CABIN1: variants seen among roughly 807,000 people sequenced by gnomAD.
CABIN1 encodes the protein calcineurin-binding protein cabin-1.
Under a neutral mutation model 227.7 loss-of-function variants are expected in CABIN1, and 133 were observed. That is an observed-to-expected ratio of 0.58 (90% confidence interval 0.51 to 0.67). The LOEUF (loss-of-function observed/expected upper bound fraction) is 0.67. Among genes scored for constraint, CABIN1 ranks in the 30% least tolerant of loss-of-function variants. The pLI, the probability that CABIN1 is intolerant of heterozygous loss-of-function variation, is 0.00. For synonymous variants in CABIN1, 1,086 were observed against 1,155.1 expected (o/e 0.94, Z 1.21); for missense variants, 2,408 against 2,852.5 (o/e 0.84, Z 3.55).
chr22:24,115,487 C>T (rs1460330053), intron 27 of CABIN1, among the ~76,000 whole-genome samples: 7 of 152,218 alleles, frequency 4.6e-5, no homozygotes, highest in African/African-American at 9.6e-5. Flanking sequence ...CCATGTTGCT[C>T]CTCTCTAAGC....
At chr22:24,030,639 A>G (rs2036428286) in intron 1 of CABIN1, among the ~76,000 whole-genome samples, 1 of 152,120 alleles carries the variant, frequency 6.6e-6, no homozygotes, top group Non-Finnish European at 1.5e-5. Context: ...TACACTGTGG[A>G]CTGTTTTCAG....
chr22:24,059,109 C>T, intron 10 of CABIN1, 118 bp from the exon 11 acceptor site: 1 of 1,327,320 alleles, frequency 7.5e-7, no homozygotes, highest in Non-Finnish European at 1.1e-6. Flanking sequence ...GACCCCACCA[C>T]CCACTTATTT....
chr22:24,099,026 TC>T (rs1440644305), intron 26 of CABIN1, among the ~76,000 whole-genome samples: 5 of 152,094 alleles, frequency 3.3e-5, no homozygotes, highest in Non-Finnish European at 5.9e-5. Flanking sequence ...GTAGAATTGG[TC>T]CCAGGGCTCT....
In CABIN1 at chr22:24,067,037, T is replaced by G. The variant is rs2039732754; in HGVS notation, c.2088T>G (p.Ile696Met). Residue 696 changes from isoleucine (I) to methionine (M), a missense_variant, in exon 16 of 37, where the codon ATT (isoleucine) becomes ATG (methionine). This residue lies in a region of CABIN1 where 1,045 missense variants were observed against 1,168.4 expected (regional missense o/e 0.89). Coordinates refer to ENST00000263119, the MANE Select transcript of CABIN1 (RefSeq NM_012295.4). ...SLERCQSLEE[I>M]QRLYEAGDYK... ...AGCGGTGCCAGTCCCTGGAGGAGAT[T>G]CAGCGGCTGTATGAAGCAGGCGACT... 2 of 1,614,106 alleles carry G rather than the reference T, an allele frequency of 1.2e-6. No homozygotes were observed. Among genetic ancestry groups the G allele is most frequent in the Admixed American group, 1.7e-5 (1 of 60,002 alleles).
chr22:24,164,788 ATCCTGGT>A (rs2148669720), intron 30 of CABIN1, among the ~76,000 whole-genome samples: 1 of 151,968 alleles, frequency 6.6e-6, no homozygotes, highest in East Asian at 1.9e-4. Flanking sequence ...GTCCCCACTG[ATCCTGGT>A]TCCACGTTGA....
chr22:24,069,559 A>C (rs939858150), intron 16 of CABIN1, among the ~76,000 whole-genome samples: 1 of 152,118 alleles, frequency 6.6e-6, no homozygotes, highest in African/African-American at 2.4e-5. Context: ...TGCATTTAGT[A>C]GTCTTTATCA....
rs117763121 is a variant in CABIN1, at chr22:24,103,643, G to A, written c.4117+5451G>A. ...CTGTAAGTGGAGCTCAGTTTGTTCTGCTTGTTCCTGACGGGCAGGGGACAG... is the reference window on the plus strand; with the variant it reads ...CTGTAAGTGGAGCTCAGTTTGTTCTACTTGTTCCTGACGGGCAGGGGACAG... On this transcript the variant is annotated intron_variant, in intron 26 of 36. Coordinates refer to ENST00000263119, the MANE Select transcript of CABIN1 (RefSeq NM_012295.4). 1.8e-4 allele frequency among the ~76,000 whole-genome samples: 28 copies of A among 152,292 alleles called. No homozygotes were observed. In the East Asian group the frequency reaches 5.4e-3, roughly 29 times the overall value.
intron 3 of CABIN1, among the ~76,000 whole-genome samples, chr22:24,037,832 C>T (rs958148783): frequency 2.0e-4 from 30 of 152,152 alleles, no homozygotes; most frequent in Non-Finnish European, 2.5e-4. Context: ...TGCCAGGATA[C>T]CTACACTTCT....
At chr22:24,033,028 A>T (rs2036602573) in intron 1 of CABIN1, among the ~76,000 whole-genome samples, 1 of 152,246 alleles carries the variant, frequency 6.6e-6, no homozygotes, top group Admixed American at 6.5e-5. Flanking sequence ...CAGTGAGCCG[A>T]GATCGCGCCA....
chr22:24,086,483 C>T (rs1018064614), intron 22 of CABIN1, among the ~76,000 whole-genome samples: 2 of 152,260 alleles, frequency 1.3e-5, no homozygotes, highest in East Asian at 3.8e-4. Flanking sequence ...GCCCCAGTGC[C>T]AGGAAAGCAC....
At chr22:24,049,245 A>G in intron 7 of CABIN1, 25 bp downstream of exon 7, 1 of 1,610,988 alleles carries the variant, frequency 6.2e-7, no homozygotes, top group Middle Eastern at 1.8e-4. Flanking sequence ...TTCCCATGCC[A>G]TGTGTGCACG....
chr22:24,053,733 C>G (rs1194080194), intron 8 of CABIN1, among the ~76,000 whole-genome samples: 1 of 152,090 alleles, frequency 6.6e-6, no homozygotes, highest in African/African-American at 2.4e-5. Context: ...TGGCTCTGTG[C>G]AGGGGACTGT....
chr22:24,148,698 A>T (rs1569284077), intron 29 of CABIN1, among the ~76,000 whole-genome samples: 1 of 152,228 alleles, frequency 6.6e-6, no homozygotes, highest in African/African-American at 2.4e-5. Context: ...TTCCAAAAGA[A>T]GCCTTTCTGT....
intron 18 of CABIN1, 79 bp downstream of exon 18, chr22:24,072,589 A>G (rs2040170979): frequency 1.3e-6 from 2 of 1,555,144 alleles, no homozygotes; most frequent in Non-Finnish European, 1.8e-6. Context: ...AGGGTCCTGG[A>G]CCTTATCCAG....
At chr22:24,078,447 G>T (rs1218784374) in intron 19 of CABIN1, among the ~76,000 whole-genome samples, 2 of 152,182 alleles carry the variant, frequency 1.3e-5, no homozygotes, top group Non-Finnish European at 2.9e-5. Context: ...CAGGCTCATG[G>T]TCTGCAGGTA....
At chr22:24,021,130 G>A (rs953710397) in intron 1 of CABIN1, among the ~76,000 whole-genome samples, 2 of 152,052 alleles carry the variant, frequency 1.3e-5, no homozygotes, top group East Asian at 3.9e-4. Flanking sequence ...CTGCTCAGTA[G>A]CTGGGACTAC....
rs150636254 is a variant in CABIN1, at chr22:24,135,812, T to C, written c.4746+1397T>C. On this transcript the variant is annotated intron_variant, in intron 29 of 36. Coordinates refer to ENST00000263119, the MANE Select transcript of CABIN1 (RefSeq NM_012295.4). Reference sequence around the variant, plus strand: ...AGAGCAGGTTTCAGGTCTGGAGGGGTGTAACAGGCCAATTCTCAGGGTACG... The same window carrying C: ...AGAGCAGGTTTCAGGTCTGGAGGGGCGTAACAGGCCAATTCTCAGGGTACG... 7.1e-3 allele frequency among the ~76,000 whole-genome samples: 1,076 copies of C among 151,994 alleles called. 13 individuals are homozygous for C. The highest frequency in any genetic ancestry group is 0.025 in the African/African-American group (1,035 of 41,454).
At chr22:24,112,956 G>A (rs1189418034) in intron 26 of CABIN1, among the ~76,000 whole-genome samples, 1 of 152,026 alleles carries the variant, frequency 6.6e-6, no homozygotes, top group Non-Finnish European at 1.5e-5. Context: ...TTCCCTCTTT[G>A]CCCCGCCCCT....
chr22:24,134,566 G>A, intron 29 of CABIN1, 151 bp downstream of exon 29: 1 of 690,858 alleles, frequency 1.4e-6, no homozygotes, highest in South Asian at 1.5e-5. Context: ...TCGAGAGTGA[G>A]CCAGACTCCG....
Sources: allele counts gnomAD v4.1 joint callset (sites outside exome capture counted in the v4.1 genomes callset), GRCh38; gene constraint gnomAD v4.1.1; regional missense constraint gnomAD v4.1.1; transcripts MANE v1.5; gene names NCBI Gene and HGNC (gene_info 2026-07-23, HGNC 2026-07-21).